PWWP2A: variants seen among roughly 807,000 people sequenced by gnomAD.
PWWP2A encodes the protein PWWP domain containing 2A.
Under a neutral mutation model 48.5 loss-of-function variants are expected in PWWP2A, and 18 were observed. The observed-to-expected ratio is 0.37, with a 90% CI of 0.26 to 0.55. The LOEUF (loss-of-function observed/expected upper bound fraction) is 0.55, where lower values mean the gene tolerates loss of function less well. Among genes scored for constraint, PWWP2A ranks in the 20% least tolerant of loss-of-function variants. PWWP2A has a pLI of 0.81. For synonymous variants in PWWP2A, 396 were observed against 387.7 expected, an observed-to-expected ratio of 1.02 and a Z score of -0.25; for missense variants, 867 against 976.4, an observed-to-expected ratio of 0.89 and a Z score of 1.49.
At position 160,102,579 on chromosome 5, in the gene PWWP2A, A is replaced by G. The variant is rs76795609; in HGVS notation, c.585-8514T>C. 8.6e-3 allele frequency among the ~76,000 whole-genome samples: 1,306 copies of G among 152,190 alleles called. 13 individuals are homozygous for G. Among genetic ancestry groups the G allele is most frequent in the Middle Eastern group, 0.02 (6 of 294 alleles). ...AAATATGAAACAATGAAAAAAATAA[A>G]TGTATATCTAGCTAAATATAGAGGG... On this transcript the variant is annotated intron_variant, in intron 1 of 1. Coordinates refer to ENST00000307063, the MANE Select transcript of PWWP2A (RefSeq NM_001130864.2).
In PWWP2A at chr5:160,091,968, A is replaced by G. The variant is rs954654210; in HGVS notation, c.*414T>C. The stretch of plus-strand genomic sequence containing the variant: ...GTGACAGGCTGTATTTCATATATAT[A>G]TATGTGTATATATACATATATATGT... On this transcript the variant is annotated 3_prime_UTR_variant, in exon 2 of 2. Coordinates refer to ENST00000307063, the MANE Select transcript of PWWP2A (RefSeq NM_001130864.2). 8.3e-5 allele frequency: 72 copies of G among 871,234 alleles called. No individual in the cohort carries two copies. Among genetic ancestry groups the G allele is most frequent in the East Asian group, 1.2e-4 (1 of 8,202 alleles). The allele number at this position is 871,234 out of a possible 1,614,324, so 54.0% of individuals were successfully genotyped here.
chr5:160,106,407 G>C (rs1220482969), intron 1 of PWWP2A, among the ~76,000 whole-genome samples: 1 of 152,058 alleles, frequency 6.6e-6, no homozygotes, highest in Non-Finnish European at 1.5e-5. Flanking sequence ...CAAAGTATTT[G>C]GCACAGGACT....
At chr5:160,048,292 T>C in the PWWP2A span, among the ~76,000 whole-genome samples, 1 of 151,882 alleles carries the variant, frequency 6.6e-6, no homozygotes, top group African/African-American at 2.4e-5. Flanking sequence ...GCTGGGATTA[T>C]AGACCCACAC....
the PWWP2A span, among the ~76,000 whole-genome samples, chr5:160,055,753 G>T: frequency 6.6e-6 from 1 of 152,368 alleles, no homozygotes; most frequent in Admixed American, 6.5e-5. Context: ...AGGAGGGCAT[G>T]GCTAAGAGGG....
chr5:160,062,960 C>G lies in PWWP2A; in HGVS notation c.*368+582G>C, dbSNP rs866914158. Among the ~76,000 whole-genome samples, 30 of 152,338 alleles carry G rather than the reference C, an allele frequency of 2.0e-4. 1 individual carries two copies. Among genetic ancestry groups the G allele is most frequent in the Middle Eastern group, 6.8e-3 (2 of 294 alleles). ...TCCCTCTACGCCCATGTGCCCGAGG[C>G]TGTGCCGCTGCCTTGTGCAGGCACC... On this transcript the variant is annotated intron_variant and NMD_transcript_variant, in intron 5 of 5. Transcript: ENST00000524050.
rs1366618997 is a variant in PWWP2A at position 160,093,310 on chromosome 5, G to A, written c.1340C>T (p.Ser447Phe). ...EKAQKKQNET[S>F]TSKNAHSKVH... ...TTTTGAATGTGCATTTTTGGAAGTA[G>A]AGGTTTCATTTTGCTTCTTTTGTGC... Residue 447 changes from serine to phenylalanine, a missense_variant, in exon 2 of 2, where the codon TCT becomes TTT. Coordinates refer to ENST00000307063, the MANE Select transcript of PWWP2A (RefSeq NM_001130864.2). The surrounding 1 kb of genome is among the most constrained non-coding windows in gnomAD (Gnocchi z 5.8). 1.2e-6 allele frequency: 2 copies of A among 1,613,892 alleles called. No individual in the cohort carries two copies. The highest frequency in any genetic ancestry group is 1.3e-5 in the African/African-American group (1 of 75,062).
At chr5:160,111,166 A>C (rs1757526529) in intron 1 of PWWP2A, among the ~76,000 whole-genome samples, 1 of 151,994 alleles carries the variant, frequency 6.6e-6, no homozygotes, top group African/African-American at 2.4e-5. Context: ...GTTTCTACAA[A>C]AAATATATAT....
the PWWP2A span, among the ~76,000 whole-genome samples, chr5:160,055,121 A>G: frequency 7.9e-5 from 12 of 152,350 alleles, no homozygotes; most frequent in East Asian, 2.1e-3. Context: ...CAGGTCTCCA[A>G]ACAAGCTTTG....
At chr5:160,058,317 C>T (rs1757599280), downstream of PWWP2A, among the ~76,000 whole-genome samples, 1 of 152,280 alleles carries the variant, frequency 6.6e-6, no homozygotes, top group East Asian at 1.9e-4. Flanking sequence ...CCCTCAAAGT[C>T]ATCCATGAGG....
At chr5:160,086,126 CTG>C (rs747671213) in intron 2 of PWWP2A, among the ~76,000 whole-genome samples, 3 of 152,050 alleles carry the variant, frequency 2.0e-5, no homozygotes, top group Non-Finnish European at 4.4e-5. Flanking sequence ...GCCTTTATAA[CTG>C]TCACATTCTT....
At chr5:160,068,339 C>T (rs1399755720) in intron 2 of PWWP2A, among the ~76,000 whole-genome samples, 1 of 152,160 alleles carries the variant, frequency 6.6e-6, no homozygotes, top group African/African-American at 2.4e-5. Context: ...TGCGGTGGCT[C>T]AAGTAATCCC....
Position 160,093,182 on chromosome 5 carries a change from G to A in PWWP2A, c.1468C>T (p.Leu490=), listed in dbSNP as rs1472123170. 6.2e-7 allele frequency: 1 copy of A among 1,614,002 alleles called. No homozygotes were observed. The highest frequency in any genetic ancestry group is 1.3e-5 in the African/African-American group (1 of 75,052). Residue 490 remains leucine (L), a synonymous_variant, in exon 2 of 2, where the codon CTG becomes TTG. Transcript: ENST00000307063. This position sits in a 1 kb window ranked among gnomAD's most constrained non-coding sequence, Gnocchi z 5.8. The stretch of plus-strand genomic sequence containing the variant: ...CGCATTTTCTCAAGTCCTGTCTTCA[G>A]AGAAGAGTCATTTTCTTCATTCCTG... ...RYRNEENDSS[L]KTGLEKMRSG...
intron 1 of PWWP2A, among the ~76,000 whole-genome samples, chr5:160,100,110 G>A (rs1440953243): frequency 6.6e-6 from 1 of 151,678 alleles, no homozygotes; most frequent in Admixed American, 6.6e-5. Context: ...AGACCAGCCT[G>A]GCTAACATGG....
At chr5:160,115,008 G>A (rs1305441772) in intron 1 of PWWP2A, among the ~76,000 whole-genome samples, 2 of 151,732 alleles carry the variant, frequency 1.3e-5, no homozygotes, top group African/African-American at 4.8e-5. Flanking sequence ...GTGCTGGCAT[G>A]TGTCTGTAGT....
downstream of PWWP2A, among the ~76,000 whole-genome samples, chr5:160,061,092 G>C (rs370923153): frequency 2.6e-5 from 4 of 152,210 alleles, no homozygotes; most frequent in South Asian, 2.1e-4. Flanking sequence ...GACGGGCCTG[G>C]CTCAGGACAG....
At chr5:160,095,775 G>A (rs1341550416) in intron 1 of PWWP2A, among the ~76,000 whole-genome samples, 2 of 143,092 alleles carry the variant, frequency 1.4e-5, no homozygotes, top group Admixed American at 7.4e-5. Context: ...GCTCACTGCA[G>A]CCTCGACCTC....
chr5:160,090,581 T>C (rs1021244216), downstream of PWWP2A: 31 of 984,578 alleles, frequency 3.1e-5, no homozygotes, highest in African/African-American at 1.4e-4. Flanking sequence ...TCAAAAAGCA[T>C]TGAGTGAGTT....
chr5:160,099,351 T>C (rs927349742), intron 1 of PWWP2A, among the ~76,000 whole-genome samples: 1 of 152,206 alleles, frequency 6.6e-6, no homozygotes, highest in Non-Finnish European at 1.5e-5. Context: ...CCTTATCCAC[T>C]TTCAGTCTTT....
At chr5:160,059,358 A>C (rs1757634895), downstream of PWWP2A, among the ~76,000 whole-genome samples, 1 of 152,218 alleles carries the variant, frequency 6.6e-6, no homozygotes, top group African/African-American at 2.4e-5. Flanking sequence ...TTCCTCACTC[A>C]ACCTTGGTAG....
Sources: gnomAD v4.1 joint callset for allele counts (sites outside exome capture counted in the v4.1 genomes callset) on GRCh38, gnomAD v4.1.1 for gene constraint, Gnocchi (gnomAD v3.1) non-coding constraint, MANE v1.5 for transcripts, NCBI Gene and HGNC (gene_info 2026-07-23, HGNC 2026-07-21) for gene names.